TUBD1: variants seen among roughly 807,000 people sequenced by gnomAD.
TUBD1 encodes the protein tubulin delta chain.
In TUBD1, 38 loss-of-function variants were observed where a neutral mutation model predicts 51.2. That is an observed-to-expected ratio of 0.74 (90% CI 0.57 to 0.97). TUBD1 has a LOEUF of 0.97. Among genes scored for constraint, TUBD1 ranks in the 50% least tolerant of loss-of-function variants. The probability of loss-of-function intolerance (pLI) is 0.00; values close to 1 mark genes in which losing one functional copy is unlikely to be tolerated. For synonymous variants in TUBD1, 169 were observed against 178.2 expected (o/e 0.95, Z 0.41); for missense variants, 489 against 538.4 (o/e 0.91, Z 0.91).
intron 6 of TUBD1, among the ~76,000 whole-genome samples, chr17:59,869,279 G>C (rs537774269): frequency 1.2e-4 from 18 of 150,382 alleles, no homozygotes; most frequent in African/African-American, 4.1e-4. Flanking sequence ...TTCAAGACCA[G>C]CCTGGCCAAT....
At chr17:59,861,194 A>C (rs1013194941) in intron 8 of TUBD1, among the ~76,000 whole-genome samples, 2 of 117,106 alleles carry the variant, frequency 1.7e-5, no homozygotes, top group South Asian at 5.1e-4. Flanking sequence ...CACCCCACAA[A>C]ATTTTTTTTT....
At chr17:59,866,302 A>G (rs1233522026) in intron 7 of TUBD1, among the ~76,000 whole-genome samples, 4 of 149,286 alleles carry the variant, frequency 2.7e-5, no homozygotes, top group African/African-American at 9.9e-5. Flanking sequence ...TGCCATAATG[A>G]TGGCTCACTG....
chr17:59,878,383 T>C, intron 4 of TUBD1, 49 bp from the exon 5 acceptor site: 5 of 1,364,786 alleles, frequency 3.7e-6, no homozygotes, highest in Non-Finnish European at 5.2e-6. Flanking sequence ...GAATAATGGT[T>C]AAGATTACAG....
Position 59,892,700 on chromosome 17 carries a change from C to T in TUBD1, c.-43G>A. On this transcript the variant is annotated 5_prime_UTR_variant, in exon 1 of 9. It introduces an in-frame stop codon into an upstream open reading frame of the 5' UTR. Coordinates refer to ENST00000325752, the MANE Select transcript of TUBD1 (RefSeq NM_016261.4). The stretch of plus-strand genomic sequence containing the variant: ...CTCCACACGTAACCCGACTCACCGC[C>T]AGACGCCGACCAGCGCTTCTGTCCG... 6.4e-6 allele frequency: 1 copy of T among 157,306 alleles called. No individual in the cohort carries two copies. Among genetic ancestry groups the T allele is most frequent in the Non-Finnish European group, 1.4e-5 (1 of 70,446 alleles). 9.7% of individuals were successfully genotyped at this position (157,306 alleles called of 1,614,324 possible).
chr17:59,860,613 G>C (rs991655679), intron 8 of TUBD1, among the ~76,000 whole-genome samples, 189 bp from the exon 9 acceptor site: 24 of 150,872 alleles, frequency 1.6e-4, no homozygotes, highest in Non-Finnish European at 2.1e-4. Flanking sequence ...TTGAGACAGA[G>C]TCTTGCTCTG....
chr17:59,876,924 C>T (rs117430213), intron 5 of TUBD1, among the ~76,000 whole-genome samples: 6,316 of 151,384 alleles, frequency 0.042, 178 homozygotes, highest in Non-Finnish European at 0.061. Context: ...TGCAGTGGTG[C>T]AATCTTAGCT....
chr17:59,878,044 A>C, intron 5 of TUBD1, 59 bp downstream of exon 5: 3 of 1,381,648 alleles, frequency 2.2e-6, no homozygotes, highest in Non-Finnish European at 3.0e-6. Context: ...GAAAGAATAA[A>C]CTTTGAAGCT....
At position 59,866,675 on chromosome 17, in the gene TUBD1, G is replaced by GC. The variant is rs1426965427; in HGVS notation, c.1008dup (p.His337AlafsTer3). ...AAGTTAGCAATGGAAGTGTTAAAAT[G>GC]CAGGTCCTTGTTGAGAGACATTTTA... On this transcript the variant is annotated frameshift_variant, in exon 7 of 9. Coordinates refer to ENST00000325752, the MANE Select transcript of TUBD1 (RefSeq NM_016261.4). LOFTEE classifies it high-confidence loss of function. 6.2e-7 allele frequency: 1 copy of GC among 1,614,130 alleles called. No homozygotes were observed.
intron 3 of TUBD1, chr17:59,884,559 A>G (rs1405713240): frequency 2.0e-5 from 3 of 152,316 alleles, no homozygotes; most frequent in Non-Finnish European, 4.4e-5. Context: ...GGTTGCAGTG[A>G]GCTGAGATTG....
Position 59,874,666 on chromosome 17 carries a change from G to A in TUBD1, c.807C>T (p.Phe269=). 1 of 1,612,852 alleles carries A rather than the reference G, an allele frequency of 6.2e-7. No individual in the cohort carries two copies. Among genetic ancestry groups the A allele is most frequent in the Non-Finnish European group, 8.5e-7 (1 of 1,179,776 alleles). The change falls in exon 6 of 9, where the codon TTC becomes TTT. Residue 269 remains phenylalanine (F), a synonymous_variant. Transcript: ENST00000325752. ...LMEHLVPHPE[F]KMLSVRNIPH... ...GAATGTTACGAACACTCAGCATCTT[G>A]AATTCAGGATGGGGAACTAAATGCT...
chr17:59,889,321 GT>G (rs1193816828), intron 2 of TUBD1, among the ~76,000 whole-genome samples: 4 of 151,218 alleles, frequency 2.6e-5, no homozygotes, highest in Admixed American at 1.3e-4. Flanking sequence ...GCTGGAAAGA[GT>G]TTTTATACGT....
In TUBD1 at chr17:59,890,821, C is replaced by A. The variant is rs751216779; in HGVS notation, c.172+10G>T. 6.2e-7 allele frequency: 1 copy of A among 1,602,044 alleles called. No homozygotes were observed. The highest frequency in any genetic ancestry group is 1.1e-5 in the South Asian group (1 of 88,942). ...TCAGAGTAAAGGAGAGGACTGTGGG[C>A]CACACCTACCTCCATTCTCCTCCTC... On this transcript the variant is annotated intron_variant, in intron 2 of 8. Coordinates refer to ENST00000325752, the MANE Select transcript of TUBD1 (RefSeq NM_016261.4).
chr17:59,888,260 G>A (rs537527040), intron 2 of TUBD1, among the ~76,000 whole-genome samples: 2 of 152,206 alleles, frequency 1.3e-5, no homozygotes, highest in East Asian at 1.9e-4. Flanking sequence ...ACAGCAGTAC[G>A]GAGGATGGAT....
rs543748124 is a variant in TUBD1 at position 59,886,780 on chromosome 17, G to A, written c.173-550C>T. The stretch of plus-strand genomic sequence containing the variant: ...AAGGGCAGGTGGGAGGCTGGGCGTG[G>A]TGGCTCATGCCTGTAATCCCAGCAT... On this transcript the variant is annotated intron_variant, in intron 2 of 8. Coordinates refer to ENST00000325752, the MANE Select transcript of TUBD1 (RefSeq NM_016261.4). 3.3e-5 allele frequency among the ~76,000 whole-genome samples: 5 copies of A among 152,234 alleles called. No homozygotes were observed. In the South Asian group the frequency reaches 8.3e-4, roughly 25 times the overall value.
At position 59,881,042 on chromosome 17, in the gene TUBD1, C is replaced by G; in HGVS notation, c.389G>C (p.Cys130Ser). Residue 130 changes from cysteine (C) to serine (S), a missense_variant, in exon 4 of 9, where the codon TGT becomes TCT. Cys to Ser is a moderately radical substitution (Grantham distance 112). Coordinates refer to ENST00000325752, the MANE Select transcript of TUBD1 (RefSeq NM_016261.4). Reference protein sequence around the residue: ...MNIIRKEVEKCDSFSGFFIIM... With the variant: ...MNIIRKEVEKSDSFSGFFIIM... ...GATGAAAAAACCACTGAAAGAGTCACATTTCTCCACTTCCTTCCGGATTAT... is the reference window on the plus strand; with the variant it reads ...GATGAAAAAACCACTGAAAGAGTCAGATTTCTCCACTTCCTTCCGGATTAT... 1 of 1,614,190 alleles carries G rather than the reference C, an allele frequency of 6.2e-7. No individual in the cohort carries two copies. Among genetic ancestry groups the G allele is most frequent in the South Asian group, 1.1e-5 (1 of 91,084 alleles).
intron 2 of TUBD1, among the ~76,000 whole-genome samples, chr17:59,890,594 G>A (rs1354290196): frequency 3.3e-5 from 5 of 152,206 alleles, no homozygotes; most frequent in African/African-American, 9.6e-5. Flanking sequence ...ATAAGAAGAA[G>A]AAAGCCAGTC....
intron 3 of TUBD1, among the ~76,000 whole-genome samples, chr17:59,884,131 T>A (rs1297286343): frequency 6.6e-6 from 1 of 151,486 alleles, no homozygotes. Flanking sequence ...CGTGGTGGCA[T>A]GTGCCTGTAG....
chr17:59,880,851 C>A, intron 4 of TUBD1, 43 bp downstream of exon 4: 1 of 1,555,142 alleles, frequency 6.4e-7, no homozygotes, highest in South Asian at 1.1e-5. Flanking sequence ...ATTTCTATTG[C>A]AAAGAACATA....
At chr17:59,873,556 C>A (rs184686300) in intron 6 of TUBD1, among the ~76,000 whole-genome samples, 3 of 151,996 alleles carry the variant, frequency 2.0e-5, no homozygotes, top group African/African-American at 7.2e-5. Flanking sequence ...TGGCCCATTA[C>A]TTGACCTTTT....
Sources: allele counts gnomAD v4.1 joint callset (sites outside exome capture counted in the v4.1 genomes callset), GRCh38; gene constraint gnomAD v4.1.1; transcripts MANE v1.5; gene names NCBI Gene and HGNC (gene_info 2026-07-23, HGNC 2026-07-21).